TAS1R2: variants seen among roughly 807,000 people sequenced by gnomAD.
TAS1R2 encodes taste 1 receptor member 2.
In TAS1R2, 47 loss-of-function variants were observed where a neutral mutation model predicts 49.3. The ratio of observed to expected loss-of-function variants is 0.95; its 90% CI spans 0.75 to 1.22. The LOEUF is 1.22. Among genes scored for constraint, TAS1R2 ranks in the 50% most tolerant of loss-of-function variants. The pLI, the probability that TAS1R2 is intolerant of heterozygous loss-of-function variation, is 0.00. For synonymous variants in TAS1R2, 479 were observed against 467.9 expected, an observed-to-expected ratio of 1.02 and a Z score of -0.31; for missense variants, 1,155 against 1,122.1, an observed-to-expected ratio of 1.03 and a Z score of -0.42.
At position 18,854,557 on chromosome 1, in the gene TAS1R2, C is replaced by T; in HGVS notation, c.913G>A (p.Ala305Thr). ...AGGTTGTGCAGGACCGGGTCGATGGCCCAGGACTCGGAGGCGATCCACACG... is the reference window on the plus strand; with the variant it reads ...AGGTTGTGCAGGACCGGGTCGATGGTCCAGGACTCGGAGGCGATCCACACG... The change falls in exon 3 of 6, where the codon GCC becomes ACC. Residue 305 changes from alanine to threonine, a missense_variant. Physicochemically the swap from Ala to Thr is moderately conservative, Grantham distance 58. Coordinates refer to ENST00000375371, the Ensembl canonical transcript of TAS1R2. The surrounding 1 kb of genome is among the most constrained non-coding windows in gnomAD (Gnocchi z 4.9). 2.5e-6 allele frequency: 4 copies of T among 1,613,570 alleles called. No individual in the cohort carries two copies. The highest frequency in any genetic ancestry group is 2.2e-5 in the South Asian group (2 of 91,076).
intron 4 of TAS1R2, among the ~76,000 whole-genome samples, chr1:18,843,519 C>T (rs995541039): frequency 1.3e-5 from 2 of 152,154 alleles, no homozygotes; most frequent in East Asian, 1.9e-4. Flanking sequence ...TACTGCAACC[C>T]GTTTATCAGG....
chr1:18,841,771 A>G, exon 5 of TAS1R2: 1 of 1,613,950 alleles, frequency 6.2e-7, no homozygotes, highest in Non-Finnish European at 8.5e-7. Context: ...CAGTCGATGC[A>G]CTCGAAGCAG....
At chr1:18,842,172 C>T (rs184071604) in intron 4 of TAS1R2, among the ~76,000 whole-genome samples, 1 of 152,106 alleles carries the variant, frequency 6.6e-6, no homozygotes, top group African/African-American at 2.4e-5. Flanking sequence ...TGAACTCCAG[C>T]CCTCTCTAGC....
At chr1:18,857,358 G>A in exon 2 of TAS1R2, 1 of 1,614,112 alleles carries the variant, frequency 6.2e-7, no homozygotes, top group Non-Finnish European at 8.5e-7. Flanking sequence ...GGGAGAGGAA[G>A]TTGGCCACAG....
rs758466636 is a variant in TAS1R2 at position 18,854,896 on chromosome 1, C to A, written c.574G>T (p.Glu192Ter). 1 of 1,613,218 alleles carries A rather than the reference C, an allele frequency of 6.2e-7. No homozygotes were observed. The highest frequency in any genetic ancestry group is 1.3e-5 in the African/African-American group (1 of 75,038). ...TGCAGCATCAGCTGCACCATGGCCT[C>A]GATGTGGTGGTCGGCGCTGGGTGTG... Residue 192 changes from glutamate (E) to a stop codon, truncating the protein, a stop_gained, in exon 3 of 6, where the codon GAG (glutamate) becomes TAG (stop). Coordinates refer to ENST00000375371, the Ensembl canonical transcript of TAS1R2. LOFTEE classifies it high-confidence loss of function. This position sits in a 1 kb window ranked among gnomAD's most constrained non-coding sequence, Gnocchi z 4.9.
At position 18,854,667 on chromosome 1, in the gene TAS1R2, G is replaced by T. The variant is rs770021998; in HGVS notation, c.803C>A (p.Thr268Lys). ...CGAGAACACGACCACGACGCGCGCT[G>T]TGCTCTGCTGCAGCTTGTCCACAAT... is the stretch of plus-strand genomic sequence containing the variant. Residue 268 changes from threonine (T) to lysine (K), a missense_variant, in exon 3 of 6, where the codon ACA (threonine) becomes AAA (lysine). Coordinates refer to ENST00000375371, the Ensembl canonical transcript of TAS1R2. The surrounding 1 kb of genome is among the most constrained non-coding windows in gnomAD (Gnocchi z 4.9). 3.1e-6 allele frequency: 5 copies of T among 1,613,978 alleles called. No individual in the cohort carries two copies. The highest frequency in any genetic ancestry group is 4.2e-6 in the Non-Finnish European group (5 of 1,179,970).
chr1:18,844,127 A>G (rs1169342956), intron 4 of TAS1R2, among the ~76,000 whole-genome samples: 3 of 152,236 alleles, frequency 2.0e-5, no homozygotes, highest in African/African-American at 7.2e-5. Flanking sequence ...AGGGATACAA[A>G]GCTTTTTTCA....
Position 18,854,602 on chromosome 1 carries a change from G to A in TAS1R2, c.868C>T (p.Arg290Cys), listed in dbSNP as rs766879604. ...CACACGGCGCCAGTGAAGTTCTGGC[G>A]CAGCACCTCATTGAAGAAGTGGTAC... Residue 290 changes from arginine (R) to cysteine (C), a missense_variant, in exon 3 of 6, where the codon CGC (arginine) becomes TGC (cysteine). By Grantham distance (180) the Arg-to-Cys change is radical. Coordinates refer to ENST00000375371, the Ensembl canonical transcript of TAS1R2. The surrounding 1 kb of genome is among the most constrained non-coding windows in gnomAD (Gnocchi z 4.9). The A allele has an allele frequency of 1.4e-5, 23 of 1,614,056 alleles. No individual in the cohort carries two copies. Among genetic ancestry groups the A allele is most frequent in the Middle Eastern group, 3.3e-4 (2 of 6,062 alleles).
At chr1:18,857,851 T>G (rs938126591) in intron 1 of TAS1R2, among the ~76,000 whole-genome samples, 1 of 152,132 alleles carries the variant, frequency 6.6e-6, no homozygotes. Flanking sequence ...CTGTTATCCA[T>G]GTGGCCATCA....
At chr1:18,851,087 C>G (rs1330960884) in intron 3 of TAS1R2, among the ~76,000 whole-genome samples, 1 of 152,196 alleles carries the variant, frequency 6.6e-6, no homozygotes, top group African/African-American at 2.4e-5. Context: ...AGTGGCAGCA[C>G]TGGGATTCCA....
chr1:18,849,685 G>A lies in TAS1R2; in HGVS notation c.1258-135C>T, dbSNP rs113590721. ...TGTAATATGGAGGCAATAAATCTCC[G>A]AAAGGGTGGCAATTTAGGAGTCAGT... On this transcript the variant is annotated intron_variant, in intron 3 of 5. Coordinates refer to ENST00000375371, the Ensembl canonical transcript of TAS1R2. 567 of 1,000,620 alleles carry A rather than the reference G, an allele frequency of 5.7e-4. 3 individuals carry two copies. The highest frequency in any genetic ancestry group is 2.0e-3 in the South Asian group (123 of 62,694). 62.0% of individuals were successfully genotyped at this position (1,000,620 alleles called of 1,614,324 possible).
intron 3 of TAS1R2, among the ~76,000 whole-genome samples, chr1:18,852,862 A>C (rs1934057376): frequency 6.6e-6 from 1 of 152,222 alleles, no homozygotes; most frequent in Non-Finnish European, 1.5e-5. Flanking sequence ...TTCTTGCTGC[A>C]CTTGGCAGAC....
At chr1:18,844,132 T>G (rs1423647587) in intron 4 of TAS1R2, among the ~76,000 whole-genome samples, 1 of 152,174 alleles carries the variant, frequency 6.6e-6, no homozygotes, top group Admixed American at 6.5e-5. Context: ...TACAAAGCTT[T>G]TTTCAGGGTG....
Position 18,839,652 on chromosome 1 carries a change from T to A in TAS1R2, c.2467A>T (p.Thr823Ser), listed in dbSNP as rs1338562104. 3 of 1,606,652 alleles carry A rather than the reference T, an allele frequency of 1.9e-6. No homozygotes were observed. In the East Asian group the frequency reaches 6.8e-5, roughly 36 times the overall value. ...ATCATGCTGTTGAAGTAGGCGGGCGTGTTGCGCTCCGGGTAGAAGAGGATC... is the reference window on the plus strand; with the variant it reads ...ATCATGCTGTTGAAGTAGGCGGGCGAGTTGCGCTCCGGGTAGAAGAGGATC... The change falls in exon 6 of 6, where the codon ACG becomes TCG. Residue 823 changes from threonine (T) to serine (S), a missense_variant. Thr to Ser is a moderately conservative substitution (Grantham distance 58). Transcript: ENST00000375371.
chr1:18,839,803 T>C (rs1933781295), exon 6 of TAS1R2: 3 of 1,614,204 alleles, frequency 1.9e-6, no homozygotes, highest in Non-Finnish European at 2.5e-6. Flanking sequence ...GGGAGACGGA[T>C]GAGGTGAAAT....
At chr1:18,859,555 C>A in exon 1 of TAS1R2, 2 of 1,614,134 alleles carry the variant, frequency 1.2e-6, no homozygotes, top group Non-Finnish European at 1.7e-6. Flanking sequence ...AAGAGGCCAC[C>A]CAGGAGGTAA....
In TAS1R2 at chr1:18,851,855, C is replaced by T. The variant is rs552267116; in HGVS notation, c.1258-2305G>A. Among the ~76,000 whole-genome samples the T allele has an allele frequency of 1.2e-3, 184 of 152,316 alleles. 1 individual carries two copies. Among genetic ancestry groups the T allele is most frequent in the African/African-American group, 3.8e-3 (160 of 41,560 alleles). Reference sequence around the variant, plus strand: ...ATTTCATCACCATCCCTTACCACCACCCCTGGCCACTCCCTAGCTGGGTGC... The same window carrying T: ...ATTTCATCACCATCCCTTACCACCATCCCTGGCCACTCCCTAGCTGGGTGC... On this transcript the variant is annotated intron_variant, in intron 3 of 5. Coordinates refer to ENST00000375371, the Ensembl canonical transcript of TAS1R2.
intron 4 of TAS1R2, among the ~76,000 whole-genome samples, chr1:18,845,109 G>T (rs773649940): frequency 6.6e-6 from 1 of 152,110 alleles, no homozygotes; most frequent in East Asian, 1.9e-4. Context: ...ATGCAGCATC[G>T]CCATCTGGGG....
chr1:18,843,356 A>T (rs115512420), intron 4 of TAS1R2, among the ~76,000 whole-genome samples: 237 of 152,320 alleles, frequency 1.6e-3, no homozygotes, highest in African/African-American at 5.4e-3. Flanking sequence ...TACATTGGTG[A>T]TGTTTTTAGG....
Sources: allele counts gnomAD v4.1 joint callset (sites outside exome capture counted in the v4.1 genomes callset), GRCh38; gene constraint gnomAD v4.1.1; non-coding constraint Gnocchi (gnomAD v3.1); transcripts MANE v1.5; gene names NCBI Gene and HGNC (gene_info 2026-07-23, HGNC 2026-07-21).